The following CORIN variants were observed in gnomAD, a reference collection of about 807,000 sequenced individuals.
CORIN encodes the protein corin, serine peptidase.
In CORIN, 117 loss-of-function variants were observed where a neutral mutation model predicts 125.3. The ratio of observed to expected loss-of-function variants is 0.93; its 90% CI spans 0.80 to 1.09. The LOEUF is 1.09. CORIN is among the 50% of genes least tolerant of loss of function. The probability of loss-of-function intolerance (pLI) is 0.00; values close to 1 mark genes in which losing one functional copy is unlikely to be tolerated. For missense variants in CORIN, 1,253 were observed against 1,306.7 expected (o/e 0.96, Z 0.63); for synonymous variants, 450 against 466.4 (o/e 0.96, Z 0.45).
intron 5 of CORIN, among the ~76,000 whole-genome samples, chr4:47,725,246 C>CA (rs1553913676): frequency 4.0e-5 from 6 of 148,604 alleles, no homozygotes; most frequent in Admixed American, 6.7e-5. Context: ...TTTTGGAACA[C>CA]TTTTTTTTTT....
intron 3 of CORIN, among the ~76,000 whole-genome samples, chr4:47,784,650 C>T (rs1361169441): frequency 3.3e-5 from 5 of 152,204 alleles, no homozygotes; most frequent in African/African-American, 7.2e-5. Flanking sequence ...ATTGCAACCA[C>T]ATTAACTTGA....
At chr4:47,755,027 T>C (rs898649327) in intron 4 of CORIN, among the ~76,000 whole-genome samples, 1 of 152,176 alleles carries the variant, frequency 6.6e-6, no homozygotes, top group Non-Finnish European at 1.5e-5. Flanking sequence ...ATCAGTGCCA[T>C]GGGCCACTGT....
chr4:47,669,583 T>TG (rs1560497884), intron 10 of CORIN, among the ~76,000 whole-genome samples: 3 of 150,932 alleles, frequency 2.0e-5, no homozygotes, highest in South Asian at 4.2e-4. Context: ...TTTTTTTTTT[T>TG]TTTGTGACAG....
intron 11 of CORIN, among the ~76,000 whole-genome samples, chr4:47,662,649 A>C (rs564251487): frequency 8.7e-4 from 132 of 152,138 alleles, no homozygotes; most frequent in Non-Finnish European, 1.5e-3. Flanking sequence ...AACCAAAGTA[A>C]GTTCCTAGGC....
At chr4:47,626,692 C>T (rs1462472595) in intron 16 of CORIN, among the ~76,000 whole-genome samples, 171 bp from the exon 17 acceptor site, 1 of 152,146 alleles carries the variant, frequency 6.6e-6, no homozygotes, top group Non-Finnish European at 1.5e-5. Flanking sequence ...GTCATTCTCC[C>T]TGCTGACCTG....
Position 47,810,232 on chromosome 4 carries a change from G to A in CORIN, c.64-3185C>T, listed in dbSNP as rs145762315. On this transcript the variant is annotated intron_variant, in intron 1 of 21. Coordinates refer to ENST00000273857, the MANE Select transcript of CORIN (RefSeq NM_006587.4). The stretch of plus-strand genomic sequence containing the variant: ...AGACAGGGTCTCACTCTGTCGCCCA[G>A]GCTGGAGTGCAGTGGCATGATCTCG... 9.2e-3 allele frequency among the ~76,000 whole-genome samples: 1,396 copies of A among 152,240 alleles called. 14 individuals carry two copies. The highest frequency in any genetic ancestry group is 0.03 in the African/African-American group (1,250 of 41,532).
At chr4:47,814,344 A>G (rs955625278) in intron 1 of CORIN, among the ~76,000 whole-genome samples, 1 of 152,156 alleles carries the variant, frequency 6.6e-6, no homozygotes, top group African/African-American at 2.4e-5. Context: ...TGTCCTGCAC[A>G]ATCATTATGC....
chr4:47,799,106 GGTGTGTGTGTGTGTGTGTGTGT>G (rs764434569), intron 2 of CORIN, among the ~76,000 whole-genome samples: 7 of 141,552 alleles, frequency 4.9e-5, no homozygotes, highest in African/African-American at 1.8e-4. Context: ...TATCCCATGG[GGTGTGTGTGTGTGTGTGTGTGT>G]GTGTGTGTGT....
chr4:47,595,454 G>A lies in CORIN; in HGVS notation c.*267C>T, dbSNP rs1462221553. The A allele has an allele frequency of 4.1e-6, 1 of 243,892 alleles. No homozygotes were observed. The highest frequency in any genetic ancestry group is 8.1e-5 in the East Asian group (1 of 12,282). The allele number at this position is 243,892 out of a possible 1,614,324, so 15.1% of individuals were successfully genotyped here. ...CCAGAGTCGATAATTTTGTGCTGCA[G>A]TCATGGTTAGGCCTGGCAAAAGGAC... On this transcript the variant is annotated 3_prime_UTR_variant, in exon 22 of 22. Coordinates refer to ENST00000273857, the MANE Select transcript of CORIN (RefSeq NM_006587.4).
chr4:47,705,887 G>A (rs1450508377), intron 5 of CORIN, among the ~76,000 whole-genome samples: 1 of 152,072 alleles, frequency 6.6e-6, no homozygotes, highest in East Asian at 1.9e-4. Flanking sequence ...TATTTCATGT[G>A]TTTTCAGTAT....
chr4:47,608,639 A>G (rs1175757097), intron 19 of CORIN, among the ~76,000 whole-genome samples: 1 of 152,230 alleles, frequency 6.6e-6, no homozygotes, highest in Non-Finnish European at 1.5e-5. Flanking sequence ...AATTTGCTTC[A>G]CGTTTACACT....
rs543437458 is a variant in CORIN at position 47,744,452 on chromosome 4, C to T, written c.749G>A (p.Ser250Asn). The T allele has an allele frequency of 1.3e-5, 21 of 1,614,144 alleles. No individual in the cohort carries two copies. The Admixed American group carries it at 2.8e-4, about 22-fold the overall frequency. The change falls in exon 5 of 22, where the codon AGC (serine) becomes AAC (asparagine). Residue 250 changes from serine to asparagine, a missense_variant. Ser to Asn is a conservative substitution (Grantham distance 46, BLOSUM62 1). Transcript: ENST00000273857. ...CSQFRNQTES[S>N]NVSRICFSPQ... ...TGAGAAGCAAATTCTGCTGACATTGCTGCTTTCAGTTTGGTTTCTAAACTG... is the reference window on the plus strand; with the variant it reads ...TGAGAAGCAAATTCTGCTGACATTGTTGCTTTCAGTTTGGTTTCTAAACTG...
chr4:47,638,495 T>C (rs181656437), intron 16 of CORIN, among the ~76,000 whole-genome samples: 1 of 152,324 alleles, frequency 6.6e-6, no homozygotes, highest in East Asian at 1.9e-4. Flanking sequence ...GTGATTCAAT[T>C]ATGGGGGCAA....
At chr4:47,794,722 C>T (rs1252722492) in intron 2 of CORIN, among the ~76,000 whole-genome samples, 4 of 152,096 alleles carry the variant, frequency 2.6e-5, no homozygotes, top group Admixed American at 2.6e-4. Flanking sequence ...ATACCCCATA[C>T]ATTTATAGGA....
At position 47,746,271 on chromosome 4, in the gene CORIN, T is replaced by C. The variant is rs534630403; in HGVS notation, c.618-1688A>G. ...AAATTACTATATGCAGTTACTTATG[T>C]TTGCCAGGCACTGTTCTTAGTACCA... On this transcript the variant is annotated intron_variant, in intron 4 of 21. Coordinates refer to ENST00000273857, the MANE Select transcript of CORIN (RefSeq NM_006587.4). Among the ~76,000 whole-genome samples the C allele has an allele frequency of 1.3e-5, 2 of 152,300 alleles. 1 individual carries two copies. Among genetic ancestry groups the C allele is most frequent in the South Asian group, 4.1e-4 (2 of 4,824 alleles).
intron 19 of CORIN, among the ~76,000 whole-genome samples, chr4:47,606,727 CCTT>C (rs1721663593): frequency 6.7e-6 from 1 of 149,202 alleles, no homozygotes. Flanking sequence ...TTCCTTTTTT[CCTT>C]CTTTTCCTTA....
intron 16 of CORIN, among the ~76,000 whole-genome samples, chr4:47,640,776 T>C (rs1046541722): frequency 6.6e-6 from 1 of 152,184 alleles, no homozygotes; most frequent in Admixed American, 6.5e-5. Context: ...TCAAAAGGAC[T>C]TTCTGGTTGT....
At chr4:47,670,591 A>T (rs909396099) in intron 10 of CORIN, among the ~76,000 whole-genome samples, 1 of 152,344 alleles carries the variant, frequency 6.6e-6, no homozygotes, top group East Asian at 1.9e-4. Flanking sequence ...GTAAAACTAA[A>T]GGTTGACGAA....
chr4:47,694,375 T>TAAA lies in CORIN; in HGVS notation c.800-1293_800-1292insTTT, dbSNP rs535324964. Among the ~76,000 whole-genome samples the TAAA allele has an allele frequency of 3.6e-3, 554 of 152,318 alleles. 3 individuals carry two copies. The highest frequency in any genetic ancestry group is 0.013 in the African/African-American group (536 of 41,564). ...TTAGCTGGGAAAAAAATAACTTTTT[T>TAAA]ATGAGCTCTAGTTTCAGATAAAAAA... On this transcript the variant is annotated intron_variant, in intron 5 of 21. Coordinates refer to ENST00000273857, the MANE Select transcript of CORIN (RefSeq NM_006587.4).
Sources: allele counts gnomAD v4.1 joint callset (sites outside exome capture counted in the v4.1 genomes callset), GRCh38; gene constraint gnomAD v4.1.1; transcripts MANE v1.5; gene names NCBI Gene and HGNC (gene_info 2026-07-23, HGNC 2026-07-21).